CAST: variants seen among roughly 807,000 people sequenced by gnomAD.
CAST encodes the protein calpastatin, also known as MIR583 host.
CAST carries 76 observed loss-of-function variants against 119.6 expected under a neutral mutation model. The ratio of observed to expected loss-of-function variants is 0.64; its 90% CI spans 0.53 to 0.77. The LOEUF is 0.77. CAST is among the 30% of genes least tolerant of loss of function. The pLI, the probability that CAST is intolerant of heterozygous loss-of-function variation, is 0.00. For synonymous variants in CAST, 319 were observed against 331.6 expected, an observed-to-expected ratio of 0.96 and a Z score of 0.41; for missense variants, 953 against 946.5, an observed-to-expected ratio of 1.01 and a Z score of -0.09.
chr5:96,056,315 C>T, the CAST span, among the ~76,000 whole-genome samples: 1 of 152,088 alleles, frequency 6.6e-6, no homozygotes, highest in East Asian at 1.9e-4. Context: ...AAAAAGATTG[C>T]TTCTTTGGGG....
At chr5:96,653,055 A>G (rs1253095811) in intron 1 of CAST, among the ~76,000 whole-genome samples, 1 of 152,220 alleles carries the variant, frequency 6.6e-6, no homozygotes, top group Non-Finnish European at 1.5e-5. Flanking sequence ...CACAGCCATT[A>G]TCTCCCAAAT....
the CAST span, among the ~76,000 whole-genome samples, chr5:96,242,436 ACTT>A: frequency 1.9e-3 from 288 of 152,222 alleles, 1 homozygote; most frequent in African/African-American, 6.8e-3. Flanking sequence ...CAGCTGAAAT[ACTT>A]CTTTTAAATG....
rs142879548 is a variant in CAST at position 96,754,679 on chromosome 5, C to T, written c.1648C>T (p.Arg550Cys). The part of the protein sequence containing the change: ...KVKEKAKEED[R>C]EKLGEKEETI... ...TCAGGAGAAGGCCAAAGAAGAAGAC[C>T]GTGAAAAGCTTGGTGAAAAAGAAGA... Residue 550 changes from arginine (R) to cysteine (C), a missense_variant, in exon 22 of 32, where the codon CGT becomes TGT. By Grantham distance (180) the Arg-to-Cys change is radical. Coordinates refer to ENST00000675179, the MANE Select transcript of CAST (RefSeq NM_001750.7). 373 of 1,606,734 alleles carry T rather than the reference C, an allele frequency of 2.3e-4. 1 individual carries two copies. The highest frequency in any genetic ancestry group is 7.9e-4 in the African/African-American group (59 of 74,576).
At chr5:96,005,842 C>A in the CAST span, among the ~76,000 whole-genome samples, 2 of 151,912 alleles carry the variant, frequency 1.3e-5, no homozygotes, top group Non-Finnish European at 2.9e-5. Context: ...AAGAGTACAA[C>A]GTAATGCATA....
chr5:96,087,642 A>G, the CAST span, among the ~76,000 whole-genome samples: 1 of 152,234 alleles, frequency 6.6e-6, no homozygotes, highest in Non-Finnish European at 1.5e-5. Flanking sequence ...CAATCACTCA[A>G]TCAAACTCAA....
the CAST span, among the ~76,000 whole-genome samples, chr5:96,435,779 C>T: frequency 9.2e-5 from 14 of 152,172 alleles, no homozygotes; most frequent in South Asian, 2.1e-4. Flanking sequence ...GCTAAGCATT[C>T]ATTAAGGTTT....
the CAST span, among the ~76,000 whole-genome samples, chr5:96,485,828 A>G: frequency 0.14 from 21,189 of 152,158 alleles, 1,532 homozygotes; most frequent in Middle Eastern, 0.15. Context: ...ACCACTCAGG[A>G]CTCATGGAAG....
At chr5:96,365,311 G>A in the CAST span, among the ~76,000 whole-genome samples, 5 of 152,212 alleles carry the variant, frequency 3.3e-5, no homozygotes, top group South Asian at 4.1e-4. Context: ...TTGATTTGGG[G>A]TGAAGAGTTC....
the CAST span, chr5:96,111,089 CAGGT>C: frequency 6.6e-6 from 1 of 152,218 alleles, no homozygotes; most frequent in African/African-American, 2.4e-5. Flanking sequence ...AGTGAGTCCC[CAGGT>C]TACCTATACT....
the CAST span, among the ~76,000 whole-genome samples, chr5:96,049,513 C>T: frequency 1.3e-5 from 2 of 152,098 alleles, no homozygotes; most frequent in Non-Finnish European, 1.5e-5. Context: ...ATTGTACAAG[C>T]GTCAGGGGCT....
At chr5:96,685,693 T>A (rs1751997591) in intron 2 of CAST, among the ~76,000 whole-genome samples, 2 of 152,246 alleles carry the variant, frequency 1.3e-5, no homozygotes, top group Non-Finnish European at 2.9e-5. Flanking sequence ...CATGAGATAA[T>A]GCAGTGATTA....
At chr5:96,684,827 C>T (rs1751878987) in intron 2 of CAST, among the ~76,000 whole-genome samples, 1 of 152,088 alleles carries the variant, frequency 6.6e-6, no homozygotes, top group Non-Finnish European at 1.5e-5. Flanking sequence ...ACCTTGGACT[C>T]CCAAAGTGCT....
the CAST span, among the ~76,000 whole-genome samples, chr5:96,143,320 G>C: frequency 6.6e-6 from 1 of 152,178 alleles, no homozygotes; most frequent in Non-Finnish European, 1.5e-5. Flanking sequence ...GGTTAACTGA[G>C]ACTCCACTGA....
chr5:96,662,350 A>T, upstream of CAST: 1 of 420,528 alleles, frequency 2.4e-6, no homozygotes, highest in Non-Finnish European at 3.2e-6. Context: ...TCTCCCTGGC[A>T]GGACTCCCCG....
chr5:96,168,989 C>A, the CAST span, among the ~76,000 whole-genome samples: 1 of 152,098 alleles, frequency 6.6e-6, no homozygotes, highest in African/African-American at 2.4e-5. Flanking sequence ...GACATGAGGG[C>A]TAGGCTAAAA....
At chr5:96,542,792 CATT>C (rs1745938132) in intron 1 of CAST, among the ~76,000 whole-genome samples, 1 of 152,142 alleles carries the variant, frequency 6.6e-6, no homozygotes, top group Non-Finnish European at 1.5e-5. Flanking sequence ...AAAAAAAGCT[CATT>C]ATCACTGGTC....
At chr5:96,665,702 A>G (rs1351516898) in intron 1 of CAST, among the ~76,000 whole-genome samples, 1 of 152,106 alleles carries the variant, frequency 6.6e-6, no homozygotes, top group Non-Finnish European at 1.5e-5. Flanking sequence ...TAAATCCCCC[A>G]AAGGTCCATG....
chr5:96,072,992 T>C, the CAST span, among the ~76,000 whole-genome samples: 525 of 152,344 alleles, frequency 3.4e-3, 3 homozygotes, highest in African/African-American at 0.011. Context: ...AGTGTTGTCA[T>C]TGAGATTGTT....
the CAST span, among the ~76,000 whole-genome samples, chr5:96,087,026 A>T: frequency 3.9e-5 from 6 of 152,266 alleles, no homozygotes; most frequent in Non-Finnish European, 7.3e-5. Flanking sequence ...AGACAAAAGA[A>T]GCAACTCTAA....
Sources: gnomAD v4.1 joint callset for allele counts (sites outside exome capture counted in the v4.1 genomes callset) on GRCh38, gnomAD v4.1.1 for gene constraint, MANE v1.5 for transcripts, NCBI Gene and HGNC (gene_info 2026-07-23, HGNC 2026-07-21) for gene names.